Variants in ERBB4 observed in about 807,000 individuals in gnomAD.
The protein encoded by ERBB4 is receptor tyrosine-protein kinase erbB-4.
ERBB4 carries 42 observed loss-of-function variants against 158.0 expected under a neutral mutation model. The ratio of observed to expected loss-of-function variants is 0.27; its 90% CI spans 0.21 to 0.34. ERBB4 has a LOEUF of 0.34. Among genes scored for constraint, ERBB4 ranks in the 10% least tolerant of loss-of-function variants. ERBB4 has a pLI of 1.00. For synonymous variants in ERBB4, 583 were observed against 558.7 expected (o/e 1.04, Z -0.61); for missense variants, 1,333 against 1,624.1 (o/e 0.82, Z 3.08).
intron 1 of ERBB4, among the ~76,000 whole-genome samples, chr2:212,263,794 C>A (rs1188657576): frequency 6.6e-6 from 1 of 151,872 alleles, no homozygotes; most frequent in Non-Finnish European, 1.5e-5. Context: ...CCAGAATCAA[C>A]TTTCCATTTT....
At chr2:212,281,071 C>T (rs1216353977) in intron 1 of ERBB4, among the ~76,000 whole-genome samples, 1 of 151,688 alleles carries the variant, frequency 6.6e-6, no homozygotes, top group Non-Finnish European at 1.5e-5. Context: ...TTCTTCTTCA[C>T]AACTCCCCCT....
chr2:211,920,637 C>G (rs140820510), intron 3 of ERBB4, among the ~76,000 whole-genome samples: 6 of 151,648 alleles, frequency 4.0e-5, no homozygotes, highest in African/African-American at 1.4e-4. Context: ...GTGGTAAGCC[C>G]TTTTATTCAC....
At chr2:211,941,785 G>A (rs915284919) in intron 3 of ERBB4, among the ~76,000 whole-genome samples, 8 of 145,950 alleles carry the variant, frequency 5.5e-5, no homozygotes, top group South Asian at 2.1e-4. Context: ...GAATCTATCC[G>A]AATACGCAGA....
rs2069734473 is a variant in ERBB4 at position 211,623,950 on chromosome 2, C to T, written c.2174G>A (p.Gly725Asp). 6.2e-7 allele frequency: 1 copy of T among 1,613,986 alleles called. No homozygotes were observed. Among genetic ancestry groups the T allele is most frequent in the Non-Finnish European group, 8.5e-7 (1 of 1,180,006 alleles). Residue 725 changes from glycine (G) to aspartate (D), a missense_variant, in exon 18 of 28, where the codon GGC (glycine) becomes GAC (aspartate). Physicochemically the swap from Gly to Asp is moderately conservative, Grantham distance 94. Around this residue, in one of 5 missense-constraint regions of ERBB4, gnomAD observed 314 missense variants for 437.6 expected, o/e 0.72. Coordinates refer to ENST00000342788, the MANE Select transcript of ERBB4 (RefSeq NM_005235.3). Reference protein sequence around the residue: ...ETELKRVKVLGSGAFGTVYKG... With the variant: ...ETELKRVKVLDSGAFGTVYKG... ...ATAAACCGTTCCAAAAGCACCTGAG[C>T]CAAGGACTTTTACCCTCTTCAGCTC...
intron 3 of ERBB4, among the ~76,000 whole-genome samples, chr2:211,823,231 A>G (rs2077031809): frequency 6.6e-6 from 1 of 151,998 alleles, no homozygotes. Flanking sequence ...ATCTTGGGGC[A>G]ATAGGTAAGT....
chr2:212,249,151 T>C (rs1427931713), intron 1 of ERBB4, among the ~76,000 whole-genome samples: 3 of 152,232 alleles, frequency 2.0e-5, no homozygotes, highest in East Asian at 1.9e-4. Context: ...CGATGAAGCA[T>C]AGTAATTAGG....
chr2:212,410,414 G>A (rs1400659447), intron 1 of ERBB4, among the ~76,000 whole-genome samples: 2 of 151,924 alleles, frequency 1.3e-5, no homozygotes, highest in African/African-American at 4.8e-5. Flanking sequence ...AAAATATATG[G>A]AACATATGTA....
chr2:211,561,863 C>T lies in ERBB4; in HGVS notation c.2487+40G>A, dbSNP rs139728050. 0.039 allele frequency: 60,839 copies of T among 1,552,622 alleles called. 1,598 individuals carry two copies. Among genetic ancestry groups the T allele is most frequent in the Non-Finnish European group, 0.042 (47,091 of 1,125,282 alleles). On this transcript the variant is annotated intron_variant, in intron 20 of 27. Coordinates refer to ENST00000342788, the MANE Select transcript of ERBB4 (RefSeq NM_005235.3). ...ACTGTTCCAGGTTAGGAAATATTAA[C>T]CTAAAAATGTAATTTCCATAGAAAT... is the stretch of plus-strand genomic sequence containing the variant.
chr2:211,584,571 A>C (rs2068206418), intron 19 of ERBB4, among the ~76,000 whole-genome samples: 1 of 152,068 alleles, frequency 6.6e-6, no homozygotes, highest in African/African-American at 2.4e-5. Context: ...AGATCAAAAT[A>C]TATTTTGAGT....
At chr2:212,295,915 T>G (rs2086394117) in intron 1 of ERBB4, among the ~76,000 whole-genome samples, 1 of 152,086 alleles carries the variant, frequency 6.6e-6, no homozygotes, top group Admixed American at 6.6e-5. Context: ...TAATAAAGTT[T>G]TTGCCAGCCA....
rs146139071 is a variant in ERBB4, at chr2:211,764,033, G to A, written c.557-13329C>T. On this transcript the variant is annotated intron_variant, in intron 4 of 27. Transcript: ENST00000342788. ...AAAATGTGATTTTAAAGTTGATGGA[G>A]GTTATAAGAAAATGACCCAAAAGGC... Among the ~76,000 whole-genome samples, 349 of 152,220 alleles carry A rather than the reference G, an allele frequency of 2.3e-3. 5 individuals carry two copies. Among genetic ancestry groups the A allele is most frequent in the African/African-American group, 8.1e-3 (337 of 41,516 alleles).
chr2:211,624,352 C>A (rs912284654), intron 17 of ERBB4, among the ~76,000 whole-genome samples: 2 of 152,034 alleles, frequency 1.3e-5, no homozygotes, highest in Non-Finnish European at 2.9e-5. Context: ...GGAAATGCTG[C>A]CTTCTTAGAG....
At chr2:212,428,859 T>C (rs867452168) in intron 1 of ERBB4, among the ~76,000 whole-genome samples, 1 of 151,968 alleles carries the variant, frequency 6.6e-6, no homozygotes. Flanking sequence ...GCATAACAGA[T>C]AGAGGGATAC....
chr2:212,529,347 C>A (rs1692622430), intron 1 of ERBB4, among the ~76,000 whole-genome samples: 1 of 151,998 alleles, frequency 6.6e-6, no homozygotes, highest in Non-Finnish European at 1.5e-5. Flanking sequence ...TTTAACTTGC[C>A]AGAAATAAAA....
chr2:212,380,606 T>G (rs112684047), intron 1 of ERBB4, among the ~76,000 whole-genome samples: 5 of 151,042 alleles, frequency 3.3e-5, no homozygotes, highest in African/African-American at 1.2e-4. Flanking sequence ...AAAATACACT[T>G]AAGTTATACT....
intron 2 of ERBB4, among the ~76,000 whole-genome samples, chr2:212,107,682 C>G (rs1328167072): frequency 6.6e-6 from 1 of 152,138 alleles, no homozygotes; most frequent in Non-Finnish European, 1.5e-5. Context: ...CCACCCAAAT[C>G]TCATCTTGAA....
intron 1 of ERBB4, among the ~76,000 whole-genome samples, chr2:212,356,314 GTTGTACACAC>G (rs148295647): frequency 0.24 from 36,705 of 151,704 alleles, 4,738 homozygotes; most frequent in Non-Finnish European, 0.28. Context: ...CATTAATCAA[GTTGTACACAC>G]TTCCATCAGC....
At chr2:212,358,804 T>C (rs997314768) in intron 1 of ERBB4, among the ~76,000 whole-genome samples, 3 of 151,762 alleles carry the variant, frequency 2.0e-5, no homozygotes, top group Non-Finnish European at 4.4e-5. Context: ...TTCTTAGCAA[T>C]AACTCACCAG....
chr2:211,871,357 T>C (rs2078340397), intron 3 of ERBB4, among the ~76,000 whole-genome samples: 1 of 152,104 alleles, frequency 6.6e-6, no homozygotes, highest in Non-Finnish European at 1.5e-5. Flanking sequence ...AATACAATTT[T>C]GTGTTAACTG....
Sources: allele counts gnomAD v4.1 joint callset (sites outside exome capture counted in the v4.1 genomes callset), GRCh38; gene constraint gnomAD v4.1.1; regional missense constraint gnomAD v4.1.1; transcripts MANE v1.5; gene names NCBI Gene and HGNC (gene_info 2026-07-23, HGNC 2026-07-21).